DGLUCY: variants seen among roughly 807,000 people sequenced by gnomAD.
The protein encoded by DGLUCY is D-glutamate cyclase, mitochondrial.
In DGLUCY, 58 loss-of-function variants were observed where a neutral mutation model predicts 58.5. The observed-to-expected ratio is 0.99, with a 90% CI of 0.80 to 1.23. The LOEUF is 1.23. Among genes scored for constraint, DGLUCY ranks in the 50% most tolerant of loss-of-function variants. The pLI is 0.00. For missense variants in DGLUCY, 779 were observed against 784.7 expected, an observed-to-expected ratio of 0.99 and a Z score of 0.09; for synonymous variants, 325 against 314.1, an observed-to-expected ratio of 1.03 and a Z score of -0.37.
intron 8 of DGLUCY, among the ~76,000 whole-genome samples, chr14:91,184,606 T>C (rs1424725083): frequency 1.1e-4 from 3 of 27,934 alleles, no homozygotes; most frequent in Admixed American, 4.9e-4. Context: ...AGGGAGGGAG[T>C]CTGATTCTGG....
intron 1 of DGLUCY, among the ~76,000 whole-genome samples, chr14:91,125,934 A>AAAAACAAAAC (rs529195858): frequency 1.3e-5 from 2 of 152,208 alleles, no homozygotes; most frequent in Non-Finnish European, 2.9e-5. Context: ...ACAGTCTCTA[A>AAAAACAAAAC]AAAACAAAAC....
At chr14:91,135,005 A>G (rs962240136) in intron 1 of DGLUCY, among the ~76,000 whole-genome samples, 5 of 150,526 alleles carry the variant, frequency 3.3e-5, no homozygotes, top group Non-Finnish European at 5.9e-5. Flanking sequence ...GCTCATTGCA[A>G]CCTCCCCCTC....
chr14:91,077,018 A>G (rs1028041807), intron 1 of DGLUCY, among the ~76,000 whole-genome samples: 1 of 152,082 alleles, frequency 6.6e-6, no homozygotes, highest in African/African-American at 2.4e-5. Flanking sequence ...GCCAAGGTGG[A>G]AGGATCACTT....
At chr14:91,112,522 G>A (rs1331772454), upstream of DGLUCY, among the ~76,000 whole-genome samples, 1 of 152,088 alleles carries the variant, frequency 6.6e-6, no homozygotes, top group East Asian at 1.9e-4. Flanking sequence ...ACCCTGGGTG[G>A]GTGAGGCTGC....
intron 1 of DGLUCY, among the ~76,000 whole-genome samples, chr14:91,123,109 G>T (rs1252554301): frequency 1.3e-5 from 2 of 152,074 alleles, no homozygotes; most frequent in Non-Finnish European, 2.9e-5. Flanking sequence ...ACTCTGTTCG[G>T]CCCACACCAC....
intron 1 of DGLUCY, among the ~76,000 whole-genome samples, chr14:91,155,896 A>C (rs1029474861): frequency 4.6e-5 from 7 of 151,710 alleles, no homozygotes; most frequent in African/African-American, 1.7e-4. Flanking sequence ...CCATTCACAT[A>C]AAATGTAGTG....
intron 1 of DGLUCY, among the ~76,000 whole-genome samples, chr14:91,102,743 A>ATGTGTGTGTGTGTGTG (rs548653144): frequency 0.024 from 3,074 of 130,610 alleles, 119 homozygotes; most frequent in Middle Eastern, 0.052. Context: ...TCCAGTGTGT[A>ATGTGTGTGTGTGTGTG]TGTGTGTGTG....
Position 91,133,755 on chromosome 14 carries a change from C to G in DGLUCY, c.-82+19472C>G, listed in dbSNP as rs116255107. ...AGGGCTACACCATTTTACCATCACA[C>G]CAGCAATGTACAAGGGTTCCAGTTA... On this transcript the variant is annotated intron_variant, in intron 1 of 13. Transcript: ENST00000256324. Among the ~76,000 whole-genome samples, 615 of 152,262 alleles carry G rather than the reference C, an allele frequency of 4.0e-3. 1 individual carries two copies. Among genetic ancestry groups the G allele is most frequent in the African/African-American group, 0.013 (560 of 41,556 alleles).
rs538799910 is a variant in DGLUCY at position 91,215,464 on chromosome 14, G to A, written c.1624G>A (p.Ala542Thr). ...ACALYILYSCAVHSQYLRKAV... is the reference protein window; with the variant it reads ...ACALYILYSCTVHSQYLRKAV... ...CGCACTCTACATCCTGTACTCATGT[G>A]CTGTCCACAGTCAGTACCTGAGGAA... Residue 542 changes from alanine to threonine, a missense_variant, in exon 13 of 14, where the codon GCT (alanine) becomes ACT (threonine). Ala to Thr is a moderately conservative substitution (Grantham distance 58). Coordinates refer to ENST00000256324, the MANE Select transcript of DGLUCY (RefSeq NM_001102368.3). The A allele has an allele frequency of 6.2e-7, 1 of 1,614,210 alleles. No homozygotes were observed. Among genetic ancestry groups the A allele is most frequent in the South Asian group, 1.1e-5 (1 of 91,088 alleles).
intron 1 of DGLUCY, among the ~76,000 whole-genome samples, chr14:91,081,794 T>C (rs2044131883): frequency 6.6e-6 from 1 of 151,970 alleles, no homozygotes; most frequent in South Asian, 2.1e-4. Context: ...CAGGCTGGAG[T>C]GCAGTGGCAC....
At chr14:91,205,042 G>T (rs1884319885) in intron 12 of DGLUCY, among the ~76,000 whole-genome samples, 1 of 152,130 alleles carries the variant, frequency 6.6e-6, no homozygotes, top group Non-Finnish European at 1.5e-5. Context: ...GGTTATAGCT[G>T]CAATGACCCT....
chr14:91,190,000 TTTTTTGAGACGG>T (rs2049775714), intron 9 of DGLUCY, among the ~76,000 whole-genome samples: 1 of 106,350 alleles, frequency 9.4e-6, no homozygotes, highest in Non-Finnish European at 2.0e-5. Flanking sequence ...TTTTTTTTTT[TTTTTTGAGACGG>T]AGTCTCGCTC....
At chr14:91,101,856 A>G (rs1193289925) in intron 1 of DGLUCY, among the ~76,000 whole-genome samples, 1 of 152,152 alleles carries the variant, frequency 6.6e-6, no homozygotes, top group Non-Finnish European at 1.5e-5. Flanking sequence ...CACCATGTCC[A>G]GCTAATTTTT....
intron 1 of DGLUCY, among the ~76,000 whole-genome samples, chr14:91,086,381 A>T (rs1194713488): frequency 6.6e-6 from 1 of 152,172 alleles, no homozygotes; most frequent in Admixed American, 6.5e-5. Flanking sequence ...GGTGCCAAAA[A>T]AATTGGGGAC....
intron 12 of DGLUCY, among the ~76,000 whole-genome samples, chr14:91,209,730 A>G (rs995922313): frequency 1.3e-5 from 2 of 152,098 alleles, no homozygotes; most frequent in East Asian, 1.9e-4. Context: ...AGAAAATAAA[A>G]CAGAAAGCAA....
chr14:91,083,520 C>G (rs1162640373), intron 1 of DGLUCY, among the ~76,000 whole-genome samples: 3 of 128,040 alleles, frequency 2.3e-5, no homozygotes, highest in Non-Finnish European at 4.9e-5. Flanking sequence ...GAGATTCCGT[C>G]TCAAAAAAAA....
At chr14:91,221,962 A>G (rs1818089547) in intron 13 of DGLUCY, among the ~76,000 whole-genome samples, 2 of 151,908 alleles carry the variant, frequency 1.3e-5, no homozygotes, top group South Asian at 2.1e-4. Context: ...AATAGCAAGC[A>G]CCCATACACT....
intron 1 of DGLUCY, among the ~76,000 whole-genome samples, chr14:91,130,065 A>G (rs2045944997): frequency 6.6e-6 from 1 of 152,230 alleles, no homozygotes; most frequent in African/African-American, 2.4e-5. Context: ...TTTAGAGTGT[A>G]TAACTAAGAA....
chr14:91,104,178 T>A (rs1031940972), upstream of DGLUCY, among the ~76,000 whole-genome samples: 2 of 146,954 alleles, frequency 1.4e-5, no homozygotes, highest in African/African-American at 5.0e-5. Context: ...TTCTCCTGCC[T>A]CAGCCTCCTG....
Sources: gnomAD v4.1 joint callset for allele counts (sites outside exome capture counted in the v4.1 genomes callset) on GRCh38, gnomAD v4.1.1 for gene constraint, MANE v1.5 for transcripts, NCBI Gene and HGNC (gene_info 2026-07-23, HGNC 2026-07-21) for gene names.